Variants in MTF1 observed in about 807,000 individuals in gnomAD.
MTF1 encodes the protein metal regulatory transcription factor 1, also known as MRE-binding transcription factor.
A neutral mutation model predicts 70.4 loss-of-function variants in MTF1; 22 were observed. The ratio of observed to expected loss-of-function variants is 0.31; its 90% CI spans 0.22 to 0.45. The LOEUF is 0.45. Ranked by LOEUF, MTF1 falls within the 20% of genes least tolerant of loss-of-function variation. The pLI, the probability that MTF1 is intolerant of heterozygous loss-of-function variation, is 1.00. For missense variants in MTF1, 649 were observed against 922.0 expected, an observed-to-expected ratio of 0.70 and a Z score of 3.83; for synonymous variants, 333 against 352.8, an observed-to-expected ratio of 0.94 and a Z score of 0.63.
In MTF1 at chr1:37,822,680, G is replaced by A; in HGVS notation, c.1208C>T (p.Ser403Leu). 6.2e-7 allele frequency: 1 copy of A among 1,613,264 alleles called. No individual in the cohort carries two copies. Among genetic ancestry groups the A allele is most frequent in the Non-Finnish European group, 8.5e-7 (1 of 1,179,838 alleles). Residue 403 changes from serine (S) to leucine (L), a missense_variant, in exon 9 of 11, where the codon TCA (serine) becomes TTA (leucine). Coordinates refer to ENST00000373036, the MANE Select transcript of MTF1 (RefSeq NM_005955.3). ...LTESFNGDAESVSDVPPSTGN... is the reference protein window; with the variant it reads ...LTESFNGDAELVSDVPPSTGN... The stretch of plus-strand genomic sequence containing the variant: ...TGTGGATGGCGGAACATCACTGACT[G>A]ACTCTGCATCACCATTAAAACTTTC...
At chr1:37,851,682 G>A (rs1641419961) in intron 2 of MTF1, among the ~76,000 whole-genome samples, 1 of 152,152 alleles carries the variant, frequency 6.6e-6, no homozygotes, top group Non-Finnish European at 1.5e-5. Context: ...TTAACTTAAT[G>A]TTTCCCGAAC....
chr1:37,837,041 T>C (rs955966517), intron 4 of MTF1, among the ~76,000 whole-genome samples: 15 of 152,076 alleles, frequency 9.9e-5, no homozygotes, highest in African/African-American at 3.6e-4. Context: ...GACTCAGGAA[T>C]GCATCTGTAA....
In MTF1 at chr1:37,838,605, T is replaced by C. The variant is rs754261229; in HGVS notation, c.779+20A>G. On this transcript the variant is annotated intron_variant, in intron 4 of 10. Transcript: ENST00000373036. The stretch of plus-strand genomic sequence containing the variant: ...CAGCTGAAACCTGGTCAGTGACAAA[T>C]AGAAAACAGTAAGACCTACCGAAAT... 5.0e-6 allele frequency: 8 copies of C among 1,600,260 alleles called. No homozygotes were observed. The highest frequency in any genetic ancestry group is 1.7e-4 in the Middle Eastern group (1 of 6,016).
In MTF1 at chr1:37,811,041, C is replaced by G. The variant is rs1296328193; in HGVS notation, c.*4095G>C. 2 of 152,610 alleles carry G rather than the reference C, an allele frequency of 1.3e-5. No individual in the cohort carries two copies. The highest frequency in any genetic ancestry group is 2.9e-5 in the Non-Finnish European group (2 of 68,048). The allele number at this position is 152,610 out of a possible 1,614,324, so 9.5% of individuals were successfully genotyped here. A position where few individuals can be genotyped will look rare whatever the true frequency, so the allele number is the denominator to read the frequency against. On this transcript the variant is annotated 3_prime_UTR_variant, in exon 11 of 11. Coordinates refer to ENST00000373036, the MANE Select transcript of MTF1 (RefSeq NM_005955.3). ...ATGGTTTCAATCACTCTGGAAAAGT[C>G]TTTAAGGACAATGGATGTGATTACA...
chr1:37,814,710 C>T lies in MTF1; in HGVS notation c.*426G>A, dbSNP rs1258419222. 5.7e-6 allele frequency: 1 copy of T among 175,786 alleles called. No homozygotes were observed. The highest frequency in any genetic ancestry group is 1.2e-5 in the Non-Finnish European group (1 of 81,308). The allele number at this position is 175,786 out of a possible 1,614,324, so 10.9% of individuals were successfully genotyped here. ...AAATGTCAGCCTCAGATTCAAAAGACACATAGGAAGGAGCAACACCCAACA... is the reference window on the plus strand; with the variant it reads ...AAATGTCAGCCTCAGATTCAAAAGATACATAGGAAGGAGCAACACCCAACA... On this transcript the variant is annotated 3_prime_UTR_variant, in exon 11 of 11. Coordinates refer to ENST00000373036, the MANE Select transcript of MTF1 (RefSeq NM_005955.3).
chr1:37,834,701 T>G lies in MTF1; in HGVS notation c.990+378A>C, dbSNP rs1386821136. ...TGAATGAAGTAATCAGAAGAAGTGA[T>G]GGGATTCTAGATAAATTATCAAGGA... On this transcript the variant is annotated intron_variant, in intron 6 of 10. Coordinates refer to ENST00000373036, the MANE Select transcript of MTF1 (RefSeq NM_005955.3). 6.4e-6 allele frequency: 3 copies of G among 465,460 alleles called. No homozygotes were observed. The East Asian group carries it at 2.0e-4, about 31-fold the overall frequency. 28.8% of individuals were successfully genotyped at this position (465,460 alleles called of 1,614,324 possible).
intron 7 of MTF1, among the ~76,000 whole-genome samples, chr1:37,831,016 G>A (rs904203128): frequency 2.0e-5 from 3 of 152,130 alleles, no homozygotes; most frequent in South Asian, 2.1e-4. Context: ...TGGCTGCCTC[G>A]TTGGGTGCCA....
chr1:37,847,822 C>A (rs781279413), intron 2 of MTF1, among the ~76,000 whole-genome samples: 1 of 151,970 alleles, frequency 6.6e-6, no homozygotes, highest in Non-Finnish European at 1.5e-5. Context: ...ATAGCAAGAC[C>A]GCGACTCTCC....
chr1:37,852,726 G>A (rs555169889), intron 2 of MTF1, among the ~76,000 whole-genome samples: 45 of 152,184 alleles, frequency 3.0e-4, no homozygotes, highest in African/African-American at 1.0e-3. Flanking sequence ...CGCCCTCTGG[G>A]TTCAAGTGAT....
intron 3 of MTF1, 49 bp downstream of exon 3, chr1:37,839,871 C>G: frequency 6.8e-7 from 1 of 1,471,468 alleles, no homozygotes; most frequent in Non-Finnish European, 9.5e-7. Flanking sequence ...TCTGCCATCA[C>G]AACAAGGTCA....
intron 4 of MTF1, among the ~76,000 whole-genome samples, chr1:37,836,228 G>A (rs1381736143): frequency 1.3e-5 from 2 of 152,186 alleles, no homozygotes; most frequent in African/African-American, 4.8e-5. Flanking sequence ...TCTGGGATCA[G>A]AGAGAACTGA....
intron 10 of MTF1, 132 bp downstream of exon 10, chr1:37,817,287 C>T (rs575935499): frequency 2.3e-4 from 160 of 705,744 alleles, no homozygotes; most frequent in Middle Eastern, 1.7e-3. Context: ...GCCAACAATA[C>T]AATGTGAAGA....
intron 2 of MTF1, among the ~76,000 whole-genome samples, chr1:37,849,577 C>G (rs1641383634): frequency 6.6e-6 from 1 of 152,148 alleles, no homozygotes; most frequent in Admixed American, 6.5e-5. Context: ...GCCAACTACT[C>G]TATAGAAAAC....
At chr1:37,820,656 A>T (rs533573636) in intron 9 of MTF1, among the ~76,000 whole-genome samples, 3 of 152,358 alleles carry the variant, frequency 2.0e-5, no homozygotes, top group Admixed American at 6.5e-5. Context: ...AAGGAATTTT[A>T]AAAAATGTGA....
chr1:37,841,000 G>T lies in MTF1; in HGVS notation c.409-842C>A. 1 of 217,706 alleles carries T rather than the reference G, an allele frequency of 4.6e-6. No homozygotes were observed. Among genetic ancestry groups the T allele is most frequent in the Admixed American group, 5.8e-5 (1 of 17,314 alleles). The allele number at this position is 217,706 out of a possible 1,614,324, so 13.5% of individuals were successfully genotyped here. Reference sequence around the variant, plus strand: ...ACAAGGAGTGGATGCCCATCACCAAGCTGGGCTGCCTGGTCCAGGACATGA... The same window carrying T: ...ACAAGGAGTGGATGCCCATCACCAATCTGGGCTGCCTGGTCCAGGACATGA... On this transcript the variant is annotated intron_variant, in intron 2 of 10. Coordinates refer to ENST00000373036, the MANE Select transcript of MTF1 (RefSeq NM_005955.3). The surrounding 1 kb of genome is among the most constrained non-coding windows in gnomAD (Gnocchi z 4.5).
rs903612015 is a variant in MTF1, at chr1:37,811,475, C to A, written c.*3661G>T. ...TTTTTATTCTGAGCAAAAAATAAAA[C>A]TTTGTGGAAAGTATATATATGTATA... On this transcript the variant is annotated 3_prime_UTR_variant, in exon 11 of 11. Transcript: ENST00000373036. 1.3e-5 allele frequency: 2 copies of A among 152,634 alleles called. No homozygotes were observed. Among genetic ancestry groups the A allele is most frequent in the African/African-American group, 2.4e-5 (1 of 41,456 alleles). The allele number at this position is 152,634 out of a possible 1,614,324, so 9.5% of individuals were successfully genotyped here.
At chr1:37,838,113 T>G (rs1187719745) in intron 4 of MTF1, among the ~76,000 whole-genome samples, 2 of 152,164 alleles carry the variant, frequency 1.3e-5, no homozygotes, top group African/African-American at 4.8e-5. Flanking sequence ...AAGCAATAAT[T>G]TGAACAAGTA....
intron 2 of MTF1, among the ~76,000 whole-genome samples, chr1:37,851,823 CTCA>C (rs944915533): frequency 1.3e-5 from 2 of 151,730 alleles, no homozygotes; most frequent in African/African-American, 4.8e-5. Flanking sequence ...CTACTACTGC[CTCA>C]TCACTCTTCT....
At chr1:37,849,981 G>A (rs974484365) in intron 2 of MTF1, among the ~76,000 whole-genome samples, 7 of 152,228 alleles carry the variant, frequency 4.6e-5, no homozygotes, top group Non-Finnish European at 8.8e-5. Context: ...GGTGGCTCAT[G>A]CCGGTAATCA....
Sources: allele counts gnomAD v4.1 joint callset (sites outside exome capture counted in the v4.1 genomes callset), GRCh38; gene constraint gnomAD v4.1.1; non-coding constraint Gnocchi (gnomAD v3.1); transcripts MANE v1.5; gene names NCBI Gene and HGNC (gene_info 2026-07-23, HGNC 2026-07-21).